The following PTPRD variants were observed in gnomAD, a reference collection of about 807,000 sequenced individuals.
PTPRD encodes receptor-type tyrosine-protein phosphatase delta.
A neutral mutation model predicts 214.5 loss-of-function variants in PTPRD; 34 were observed. That is an observed-to-expected ratio of 0.16 (90% CI 0.12 to 0.21). The LOEUF (loss-of-function observed/expected upper bound fraction) is 0.21, where lower values mean the gene tolerates loss of function less well. Ranked by LOEUF, PTPRD falls within the 10% of genes least tolerant of loss-of-function variation. PTPRD has a pLI of 1.00. For missense variants in PTPRD, 2,545 were observed against 2,398.7 expected (o/e 1.06, Z -1.27); for synonymous variants, 1,128 against 845.7 (o/e 1.33, Z -5.79).
chr9:9,964,451 G>C (rs910706066), intron 4 of PTPRD, among the ~76,000 whole-genome samples: 3 of 152,146 alleles, frequency 2.0e-5, no homozygotes, highest in Non-Finnish European at 2.9e-5. Context: ...TAAGGATGCA[G>C]AGTAAAATCT....
At chr9:9,101,055 A>G (rs1172042176) in intron 10 of PTPRD, among the ~76,000 whole-genome samples, 1 of 151,920 alleles carries the variant, frequency 6.6e-6, no homozygotes, top group Non-Finnish European at 1.5e-5. Flanking sequence ...AAATCAGCAC[A>G]TACAAGATGT....
At chr9:9,507,138 G>C (rs1337079448) in intron 8 of PTPRD, among the ~76,000 whole-genome samples, 2 of 151,320 alleles carry the variant, frequency 1.3e-5, no homozygotes, top group Non-Finnish European at 3.0e-5. Context: ...AAAAGAATTT[G>C]AATGGCATCA....
chr9:10,567,077 C>T (rs921908022), intron 2 of PTPRD, among the ~76,000 whole-genome samples: 6 of 152,072 alleles, frequency 3.9e-5, no homozygotes, highest in Admixed American at 3.3e-4. Flanking sequence ...AGTATGTTTG[C>T]TTTTCTCTCT....
At chr9:9,154,441 C>T (rs1228775072) in intron 10 of PTPRD, among the ~76,000 whole-genome samples, 1 of 152,070 alleles carries the variant, frequency 6.6e-6, no homozygotes, top group African/African-American at 2.4e-5. Context: ...TGTCTTCTCT[C>T]TGTGTCTTCC....
chr9:9,789,793 T>A (rs1330797107), intron 5 of PTPRD, among the ~76,000 whole-genome samples: 1 of 13,846 alleles, frequency 7.2e-5, no homozygotes, highest in Non-Finnish European at 1.3e-4. Flanking sequence ...CCAAACTCTG[T>A]CTCAAAAAAA....
intron 37 of PTPRD, among the ~76,000 whole-genome samples, chr9:8,387,343 G>A (rs931726847): frequency 6.6e-6 from 1 of 152,194 alleles, no homozygotes; most frequent in African/African-American, 2.4e-5. Flanking sequence ...TGTTGCAGTG[G>A]CAGTGGGGCC....
At chr9:10,462,761 A>G (rs1433800761) in intron 2 of PTPRD, among the ~76,000 whole-genome samples, 2 of 151,936 alleles carry the variant, frequency 1.3e-5, no homozygotes, top group African/African-American at 2.4e-5. Flanking sequence ...GCATTTCACA[A>G]ACTTTGTTGA....
rs183207639 is a variant in PTPRD, at chr9:10,258,372, A to G, written c.-545+82591T>C. The stretch of plus-strand genomic sequence containing the variant: ...TCACCAGGTTGCACCATGAGAAGGG[A>G]TGAAGGTAGAATATTATAACATAAG... On this transcript the variant is annotated intron_variant, in intron 3 of 45. Coordinates refer to ENST00000381196, the MANE Select transcript of PTPRD (RefSeq NM_002839.4). 2.0e-5 allele frequency among the ~76,000 whole-genome samples: 3 copies of G among 151,398 alleles called. No homozygotes were observed. In the East Asian group the frequency reaches 5.8e-4, roughly 29 times the overall value.
At chr9:8,597,429 G>C (rs2094534077) in intron 14 of PTPRD, among the ~76,000 whole-genome samples, 1 of 151,608 alleles carries the variant, frequency 6.6e-6, no homozygotes, top group Non-Finnish European at 1.5e-5. Context: ...TCATATACCT[G>C]TTAATACACC....
chr9:8,935,903 C>T (rs964106430), intron 11 of PTPRD, among the ~76,000 whole-genome samples: 4 of 152,114 alleles, frequency 2.6e-5, no homozygotes, highest in Non-Finnish European at 5.9e-5. Context: ...ATCCTTGTGT[C>T]TCCAAATATT....
chr9:10,079,224 G>A (rs2098189941), intron 3 of PTPRD, among the ~76,000 whole-genome samples: 1 of 152,044 alleles, frequency 6.6e-6, no homozygotes, highest in African/African-American at 2.4e-5. Context: ...GGTTAAGGTT[G>A]TGCCTGACTG....
At chr9:9,303,836 CA>C (rs1306099876) in intron 9 of PTPRD, among the ~76,000 whole-genome samples, 1 of 152,138 alleles carries the variant, frequency 6.6e-6, no homozygotes, top group Non-Finnish European at 1.5e-5. Flanking sequence ...CTGGCAACCA[CA>C]TTGCCCTTGT....
chr9:9,634,738 C>T (rs985990970), intron 7 of PTPRD, among the ~76,000 whole-genome samples: 4 of 152,090 alleles, frequency 2.6e-5, no homozygotes, highest in African/African-American at 7.2e-5. Flanking sequence ...GATTTCTGTG[C>T]ATACTACGTA....
intron 3 of PTPRD, among the ~76,000 whole-genome samples, chr9:10,097,033 A>C (rs2098496768): frequency 1.3e-5 from 2 of 151,822 alleles, no homozygotes. Flanking sequence ...GGTTTGTCAA[A>C]GATCAGATAG....
rs143967187 is a variant in PTPRD, at chr9:9,148,228, G to C, written c.-143+35076C>G. ...TTTAGAGGTTACTTTAATTTTAATA[G>C]GCTTTATGAAATTACTTCAAAGTAG... On this transcript the variant is annotated intron_variant, in intron 10 of 45. Coordinates refer to ENST00000381196, the MANE Select transcript of PTPRD (RefSeq NM_002839.4). 2.4e-4 allele frequency among the ~76,000 whole-genome samples: 37 copies of C among 152,104 alleles called. No homozygotes were observed. The East Asian group carries it at 6.2e-3, about 25-fold the overall frequency.
chr9:9,075,061 C>T (rs1484223763), intron 10 of PTPRD, among the ~76,000 whole-genome samples: 2 of 151,944 alleles, frequency 1.3e-5, no homozygotes, highest in African/African-American at 4.8e-5. Flanking sequence ...AAATTCCCTA[C>T]AAAAAGATAA....
At chr9:8,509,156 G>A (rs992315450) in intron 21 of PTPRD, among the ~76,000 whole-genome samples, 55 of 152,192 alleles carry the variant, frequency 3.6e-4, no homozygotes, top group Non-Finnish European at 7.5e-4. Context: ...AAAGGTGGAA[G>A]CGAAAGAAGA....
rs201662328 is a variant in PTPRD at position 8,499,871 on chromosome 9, A to G, written c.2129-31T>C. 39 of 1,574,076 alleles carry G rather than the reference A, an allele frequency of 2.5e-5. No individual in the cohort carries two copies. The African/African-American group carries it at 2.6e-4, about 10-fold the overall frequency. Reference sequence around the variant, plus strand: ...ACAACATCATTGGATAAAAGAAATTATAGGCACTTGTCCCACCCTATCAGA... The same window carrying G: ...ACAACATCATTGGATAAAAGAAATTGTAGGCACTTGTCCCACCCTATCAGA... On this transcript the variant is annotated intron_variant, in intron 24 of 45. Coordinates refer to ENST00000381196, the MANE Select transcript of PTPRD (RefSeq NM_002839.4).
At chr9:9,494,927 T>C (rs1390360083) in intron 8 of PTPRD, among the ~76,000 whole-genome samples, 1 of 152,172 alleles carries the variant, frequency 6.6e-6, no homozygotes, top group Non-Finnish European at 1.5e-5. Context: ...TGCAAAGCTA[T>C]AGTAATCAAA....
Sources: gnomAD v4.1 joint callset for allele counts (sites outside exome capture counted in the v4.1 genomes callset) on GRCh38, gnomAD v4.1.1 for gene constraint, MANE v1.5 for transcripts, NCBI Gene and HGNC (gene_info 2026-07-23, HGNC 2026-07-21) for gene names.